Variants in EIF2B3 observed in about 807,000 individuals in gnomAD.
EIF2B3 encodes the protein eukaryotic translation initiation factor 2B subunit gamma.
A neutral mutation model predicts 54.1 loss-of-function variants in EIF2B3; 20 were observed. That is an observed-to-expected ratio of 0.37 (90% CI 0.26 to 0.54). EIF2B3 has a LOEUF of 0.54. Among genes scored for constraint, EIF2B3 ranks in the 20% least tolerant of loss-of-function variants. EIF2B3 has a pLI of 0.86. For missense variants in EIF2B3, 448 were observed against 547.8 expected (o/e 0.82, Z 1.82); for synonymous variants, 153 against 188.1 (o/e 0.81, Z 1.52).
intron 5 of EIF2B3, among the ~76,000 whole-genome samples, chr1:44,908,691 G>C (rs1191202739): frequency 1.3e-5 from 2 of 152,222 alleles, no homozygotes; most frequent in Non-Finnish European, 2.9e-5. Flanking sequence ...TGTATTTATA[G>C]ATTTGGGATA....
chr1:44,984,830 C>T (rs1226330643), intron 1 of EIF2B3, among the ~76,000 whole-genome samples: 4 of 74,130 alleles, frequency 5.4e-5, no homozygotes, highest in African/African-American at 1.3e-4. Context: ...GACGGAGTCT[C>T]GCTCTGTCGC....
At chr1:44,909,922 T>C (rs1354875099) in intron 5 of EIF2B3, among the ~76,000 whole-genome samples, 1 of 152,214 alleles carries the variant, frequency 6.6e-6, no homozygotes, top group East Asian at 1.9e-4. Context: ...GAAATACAGA[T>C]CTGGCCATGA....
At chr1:44,854,589 C>CTTT (rs34735930) in intron 11 of EIF2B3, among the ~76,000 whole-genome samples, 4 of 136,744 alleles carry the variant, frequency 2.9e-5, no homozygotes, top group Admixed American at 7.4e-5. Flanking sequence ...TGCATTATGT[C>CTTT]TTTTTTTTTT....
At chr1:44,886,916 C>G (rs1655606332) in intron 6 of EIF2B3, among the ~76,000 whole-genome samples, 1 of 136,198 alleles carries the variant, frequency 7.3e-6, no homozygotes, top group Non-Finnish European at 1.5e-5. Context: ...AAACTTAATT[C>G]AGCTTTTCTT....
chr1:44,857,535 A>C (rs1654468813), intron 11 of EIF2B3, among the ~76,000 whole-genome samples, 169 bp downstream of exon 11: 1 of 152,136 alleles, frequency 6.6e-6, no homozygotes, highest in African/African-American at 2.4e-5. Flanking sequence ...CCGAAAAAAA[A>C]AAAAAAATTG....
rs201917525 is a variant in EIF2B3 at position 44,960,637 on chromosome 1, C to CA, written c.294+17677dup. On this transcript the variant is annotated intron_variant, in intron 3 of 11. Transcript: ENST00000360403. Reference sequence around the variant, plus strand: ...TGGGCAACACAGCGAGACCCCGTCTCAAAAAAAAAAGACAAAAAACCAATA... The same window carrying CA: ...TGGGCAACACAGCGAGACCCCGTCTCAAAAAAAAAAAGACAAAAAACCAATA... 7.1e-3 allele frequency among the ~76,000 whole-genome samples: 1,003 copies of CA among 141,554 alleles called. 12 individuals carry two copies. The highest frequency in any genetic ancestry group is 0.024 in the African/African-American group (925 of 38,466). The allele number at this position is 141,554 out of a possible 152,430, so 92.9% of individuals were successfully genotyped here.
intron 7 of EIF2B3, 137 bp from the exon 8 acceptor site, chr1:44,880,145 G>A (rs934336351): frequency 5.6e-6 from 5 of 891,590 alleles, no homozygotes; most frequent in South Asian, 1.4e-5. Flanking sequence ...CAAACTCCCA[G>A]ACTCAAGGGA....
chr1:44,976,569 T>A (rs2148963299), intron 3 of EIF2B3, among the ~76,000 whole-genome samples: 1 of 152,276 alleles, frequency 6.6e-6, no homozygotes, highest in South Asian at 2.1e-4. Context: ...TTACAGCCTA[T>A]AGAATATTTT....
chr1:44,887,815 C>G, intron 6 of EIF2B3, among the ~76,000 whole-genome samples: 1 of 152,074 alleles, frequency 6.6e-6, no homozygotes, highest in African/African-American at 2.4e-5. Context: ...TGAGGCATGC[C>G]TGAACTCGGG....
At chr1:44,890,672 G>A (rs1333799920) in intron 6 of EIF2B3, among the ~76,000 whole-genome samples, 2 of 151,944 alleles carry the variant, frequency 1.3e-5, no homozygotes, top group Non-Finnish European at 2.9e-5. Flanking sequence ...TAGGCTCTGG[G>A]TCTGGGGGGT....
chr1:44,859,058 G>A (rs996783135), intron 10 of EIF2B3, among the ~76,000 whole-genome samples: 1 of 152,166 alleles, frequency 6.6e-6, no homozygotes, highest in Non-Finnish European at 1.5e-5. Flanking sequence ...CAGCACTTTG[G>A]GAGGCCGAGG....
At chr1:44,934,409 C>T (rs1047220671) in intron 4 of EIF2B3, among the ~76,000 whole-genome samples, 6 of 152,066 alleles carry the variant, frequency 3.9e-5, no homozygotes, top group African/African-American at 1.4e-4. Flanking sequence ...AAAAACAAAA[C>T]AAAACAAAAC....
intron 10 of EIF2B3, 162 bp downstream of exon 10, chr1:44,874,516 G>C: frequency 1.3e-6 from 1 of 742,100 alleles, no homozygotes; most frequent in Non-Finnish European, 2.1e-6. Context: ...TCCTAGTAAA[G>C]TTTTTGAGAC....
At chr1:44,936,356 G>A (rs891532029) in intron 4 of EIF2B3, among the ~76,000 whole-genome samples, 2 of 151,350 alleles carry the variant, frequency 1.3e-5, no homozygotes, top group Non-Finnish European at 2.9e-5. Context: ...AAGGCGGGTG[G>A]ATCACTTGAG....
intron 3 of EIF2B3, chr1:44,959,154 T>G: frequency 1.4e-6 from 1 of 724,338 alleles, no homozygotes; most frequent in Non-Finnish European, 2.5e-6. Context: ...CATCTACGAT[T>G]GCACAGTCTG....
intron 3 of EIF2B3, among the ~76,000 whole-genome samples, chr1:44,975,174 C>T (rs548442971): frequency 6.6e-6 from 1 of 152,184 alleles, no homozygotes; most frequent in East Asian, 1.9e-4. Context: ...CTTGATCACA[C>T]CACTGCACTC....
At chr1:44,862,016 C>T (rs1654622373) in intron 10 of EIF2B3, among the ~76,000 whole-genome samples, 1 of 152,176 alleles carries the variant, frequency 6.6e-6, no homozygotes, top group South Asian at 2.1e-4. Flanking sequence ...TGTATCTGTT[C>T]ATGCTACAGG....
At chr1:44,934,592 C>T (rs1266740425) in intron 4 of EIF2B3, among the ~76,000 whole-genome samples, 1 of 151,898 alleles carries the variant, frequency 6.6e-6, no homozygotes, top group Non-Finnish European at 1.5e-5. Flanking sequence ...ACAACCTCCA[C>T]CTCCCAGGTT....
chr1:44,916,234 A>T (rs935091207), intron 5 of EIF2B3, among the ~76,000 whole-genome samples: 1 of 151,604 alleles, frequency 6.6e-6, no homozygotes, highest in Non-Finnish European at 1.5e-5. Context: ...ATTTTATTTT[A>T]ATTTTGAGAC....
Sources: gnomAD v4.1 joint callset for allele counts (sites outside exome capture counted in the v4.1 genomes callset) on GRCh38, gnomAD v4.1.1 for gene constraint, MANE v1.5 for transcripts, NCBI Gene and HGNC (gene_info 2026-07-23, HGNC 2026-07-21) for gene names.